The following CCDC33 variants were observed in gnomAD, a reference collection of about 807,000 sequenced individuals.
CCDC33 encodes coiled-coil domain-containing protein 33.
Under a neutral mutation model 91.9 loss-of-function variants are expected in CCDC33, and 94 were observed. The observed-to-expected ratio is 1.02, with a 90% CI of 0.87 to 1.21. The LOEUF (loss-of-function observed/expected upper bound fraction) is 1.21, where lower values mean the gene tolerates loss of function less well. CCDC33 is among the 50% of genes most tolerant of loss of function. The pLI is 0.00. For synonymous variants in CCDC33, 396 were observed against 374.5 expected (o/e 1.06, Z -0.66); for missense variants, 940 against 935.5 (o/e 1.00, Z -0.06).
chr15:74,293,123 G>A (rs2629730), intron 10 of CCDC33, among the ~76,000 whole-genome samples: 17 of 152,120 alleles, frequency 1.1e-4, no homozygotes, highest in Admixed American at 2.0e-4. Flanking sequence ...GACAGGCTAT[G>A]GGGGAGGGAA....
intron 10 of CCDC33, among the ~76,000 whole-genome samples, chr15:74,290,541 AT>A (rs2059566928): frequency 6.6e-6 from 1 of 152,214 alleles, no homozygotes; most frequent in African/African-American, 2.4e-5. Flanking sequence ...TGCATTGAAT[AT>A]ACAGAGGTCA....
chr15:74,293,463 C>G (rs755979104), intron 10 of CCDC33, among the ~76,000 whole-genome samples: 3 of 152,226 alleles, frequency 2.0e-5, no homozygotes, highest in African/African-American at 7.2e-5. Flanking sequence ...TTTTGTAGCT[C>G]TTCCTCTGCA....
At chr15:74,315,537 G>T (rs561883107) in intron 11 of CCDC33, among the ~76,000 whole-genome samples, 36 of 152,352 alleles carry the variant, frequency 2.4e-4, no homozygotes, top group African/African-American at 7.9e-4. Context: ...AAGTTAGGCC[G>T]ATCTATTTAA....
At chr15:74,209,842 A>G (rs1179268095) in intron 2 of CCDC33, 2 of 170,966 alleles carry the variant, frequency 1.2e-5, no homozygotes, top group Non-Finnish European at 2.5e-5. Flanking sequence ...AGAGTAGATA[A>G]AGGCCGGGCC....
intron 2 of CCDC33, among the ~76,000 whole-genome samples, chr15:74,229,601 C>T (rs1480134464): frequency 6.6e-6 from 1 of 152,234 alleles, no homozygotes; most frequent in African/African-American, 2.4e-5. Flanking sequence ...ATATTGCTCA[C>T]TGTTAGCTAT....
At chr15:74,323,273 T>C (rs1649019479) in intron 11 of CCDC33, among the ~76,000 whole-genome samples, 1 of 152,144 alleles carries the variant, frequency 6.6e-6, no homozygotes, top group African/African-American at 2.4e-5. Context: ...TTCTCTCCTT[T>C]TTCCAAAATT....
chr15:74,276,849 G>A (rs2076462716), intron 7 of CCDC33, among the ~76,000 whole-genome samples: 1 of 152,204 alleles, frequency 6.6e-6, no homozygotes, highest in Non-Finnish European at 1.5e-5. Context: ...TTGTCCTTCA[G>A]GTCCTCCCTG....
At position 74,244,720 on chromosome 15, in the gene CCDC33, G is replaced by A. The variant is rs376988287; in HGVS notation, c.185+572G>A. 8.5e-5 allele frequency among the ~76,000 whole-genome samples: 13 copies of A among 152,160 alleles called. No individual in the cohort carries two copies. Among genetic ancestry groups the A allele is most frequent in the South Asian group, 2.1e-4 (1 of 4,832 alleles). ...CTGGCACCAAGGCCTGCCACGCCAC[G>A]TCTATGCCCACCTCACGGGTCTCAC... On this transcript the variant is annotated intron_variant, in intron 2 of 18. Coordinates refer to ENST00000398814, the MANE Select transcript of CCDC33 (RefSeq NM_025055.5). The surrounding 1 kb of genome is among the most constrained non-coding windows in gnomAD (Gnocchi z 4.2).
Position 74,336,047 on chromosome 15 carries a change from G to T in CCDC33, c.2262G>T (p.Gln754His). The T allele has an allele frequency of 1.9e-6, 3 of 1,613,772 alleles. No individual in the cohort carries two copies. The highest frequency in any genetic ancestry group is 1.1e-5 in the South Asian group (1 of 91,074). ...AGAAGGAGACCGCTAACTCTCAGCAGACCTGAGCCCCAGAGCAGGCCTCCT... is the reference window on the plus strand; with the variant it reads ...AGAAGGAGACCGCTAACTCTCAGCATACCTGAGCCCCAGAGCAGGCCTCCT... ...SPQKETANSQ[Q>H]T Residue 754 changes from glutamine to histidine, a missense_variant, in exon 19 of 19, where the codon CAG becomes CAT. Coordinates refer to ENST00000398814, the MANE Select transcript of CCDC33 (RefSeq NM_025055.5).
chr15:74,218,544 G>A lies in CCDC33; in HGVS notation c.358G>A (p.Ala120Thr). The A allele has an allele frequency of 7.8e-7, 1 of 1,289,678 alleles. No homozygotes were observed. The highest frequency in any genetic ancestry group is 1.0e-6 in the Non-Finnish European group (1 of 988,810). The allele number at this position is 1,289,678 out of a possible 1,614,324, so 79.9% of individuals were successfully genotyped here. ...GCATGATGCTCAGCTGCATGTGGAGGCACTGAGGCTGGACGAACCCTTGGG... is the reference window on the plus strand; with the variant it reads ...GCATGATGCTCAGCTGCATGTGGAGACACTGAGGCTGGACGAACCCTTGGG... The change falls in exon 2 of 3, where the codon GCA becomes ACA. Residue 120 changes from alanine (A) to threonine (T), a missense_variant. Transcript: ENST00000635913. This position sits in a 1 kb window ranked among gnomAD's most constrained non-coding sequence, Gnocchi z 4.8.
chr15:74,268,493 G>GA lies in CCDC33; in HGVS notation c.546+35_546+36insA, dbSNP rs762054302. On this transcript the variant is annotated intron_variant, in intron 5 of 18. Coordinates refer to ENST00000398814, the MANE Select transcript of CCDC33 (RefSeq NM_025055.5). ...CTGGGGCCCTCTGGGGTGGTGGTGG[G>GA]GGTGGGAAAGGGCCAAGCTTTGAGC... 1.0e-5 allele frequency: 15 copies of GA among 1,449,342 alleles called. 1 individual carries two copies. Among genetic ancestry groups the GA allele is most frequent in the African/African-American group, 8.6e-5 (6 of 70,162 alleles). The allele number at this position is 1,449,342 out of a possible 1,614,324, so 89.8% of individuals were successfully genotyped here.
chr15:74,322,802 G>T (rs77228772), intron 11 of CCDC33, among the ~76,000 whole-genome samples: 1 of 152,226 alleles, frequency 6.6e-6, no homozygotes, highest in Non-Finnish European at 1.5e-5. Flanking sequence ...CAGATGGCCT[G>T]GGCCTGCCAG....
In CCDC33 at chr15:74,262,526, G is replaced by A. The variant is rs2076053980; in HGVS notation, c.272G>A (p.Gly91Glu). The change falls in exon 3 of 19, where the codon GGG (glycine) becomes GAG (glutamate). Residue 91 changes from glycine (G) to glutamate (E), a missense_variant. Physicochemically the swap from Gly to Glu is moderately conservative, Grantham distance 98. Coordinates refer to ENST00000398814, the MANE Select transcript of CCDC33 (RefSeq NM_025055.5). ...GAGCCCACCAGAGCCCCTATCTGGG[G>A]GGACACGGTGAATGTGGAGATCCAA... is the stretch of plus-strand genomic sequence containing the variant. ...TSEPTRAPIW[G>E]DTVNVEIQAE... 1 of 1,613,824 alleles carries A rather than the reference G, an allele frequency of 6.2e-7. No homozygotes were observed. The highest frequency in any genetic ancestry group is 1.7e-5 in the Admixed American group (1 of 59,986).
intron 11 of CCDC33, among the ~76,000 whole-genome samples, chr15:74,296,350 C>T (rs2059686205): frequency 1.3e-5 from 2 of 152,104 alleles, no homozygotes; most frequent in African/African-American, 4.8e-5. Context: ...ACCAGCTGGG[C>T]ACGGTGGCTC....
chr15:74,276,333 C>T (rs1050102062), intron 7 of CCDC33, among the ~76,000 whole-genome samples: 5 of 152,162 alleles, frequency 3.3e-5, no homozygotes, highest in African/African-American at 4.8e-5. Flanking sequence ...TAGGGTGGGC[C>T]GTGTAAGTTA....
chr15:74,328,049 C>T (rs1358310997), intron 11 of CCDC33, among the ~76,000 whole-genome samples: 1 of 152,172 alleles, frequency 6.6e-6, no homozygotes, highest in African/African-American at 2.4e-5. Context: ...CAAGAAAACC[C>T]ATTTGGATGC....
chr15:74,333,353 G>A (rs1235434816), intron 16 of CCDC33: 1 of 1,516,526 alleles, frequency 6.6e-7, no homozygotes, highest in Admixed American at 1.9e-5. Context: ...AAATGCCCAG[G>A]CCCTGCTCCA....
At chr15:74,335,117 G>A in intron 18 of CCDC33, 29 bp downstream of exon 18, 2 of 1,554,902 alleles carry the variant, frequency 1.3e-6, no homozygotes, top group Non-Finnish European at 1.8e-6. Context: ...GTAGCTCCCA[G>A]GGGTTCAGGT....
upstream of CCDC33, among the ~76,000 whole-genome samples, chr15:74,216,567 C>T (rs1363613046): frequency 3.5e-5 from 3 of 85,888 alleles, no homozygotes; most frequent in Admixed American, 1.4e-4. Flanking sequence ...GATGGAGTTT[C>T]GCTCTTGTTG....
Sources: gnomAD v4.1 joint callset for allele counts (sites outside exome capture counted in the v4.1 genomes callset) on GRCh38, gnomAD v4.1.1 for gene constraint, Gnocchi (gnomAD v3.1) non-coding constraint, MANE v1.5 for transcripts, NCBI Gene and HGNC (gene_info 2026-07-23, HGNC 2026-07-21) for gene names.